Variants in PPARA observed in about 807,000 individuals in gnomAD.
PPARA encodes the protein peroxisome proliferator activated receptor alpha.
Under a neutral mutation model 42.2 loss-of-function variants are expected in PPARA, and 22 were observed. That is an observed-to-expected ratio of 0.52 (90% CI 0.37 to 0.74). The LOEUF (loss-of-function observed/expected upper bound fraction) is 0.74, where lower values mean the gene tolerates loss of function less well. PPARA is among the 30% of genes least tolerant of loss of function. PPARA has a pLI of 0.00. For missense variants in PPARA, 465 were observed against 608.2 expected, an observed-to-expected ratio of 0.76 and a Z score of 2.48; for synonymous variants, 242 against 239.3, an observed-to-expected ratio of 1.01 and a Z score of -0.10.
intron 1 of PPARA, 70 bp from the exon 2 acceptor site, chr22:46,151,818 C>T (rs1004553757): frequency 1.3e-5 from 2 of 152,228 alleles, no homozygotes; most frequent in African/African-American, 4.8e-5. Flanking sequence ...TTTCCTCTTC[C>T]AAGGTGAAGA....
At chr22:46,223,348 G>T (rs1601799439) in intron 7 of PPARA, among the ~76,000 whole-genome samples, 1 of 151,994 alleles carries the variant, frequency 6.6e-6, no homozygotes, top group Admixed American at 6.6e-5. Flanking sequence ...TGGCCTTAAA[G>T]AAATAAATAA....
rs1248498487 is a variant in PPARA at position 46,233,216 on chromosome 22, A to G, written c.1159+977A>G. Among the ~76,000 whole-genome samples the G allele has an allele frequency of 6.6e-6, 1 of 152,188 alleles. No homozygotes were observed. The highest frequency in any genetic ancestry group is 2.4e-5 in the African/African-American group (1 of 41,444). ...AAGTATATTTCCTAATGCAAAATAT[A>G]ATATCAGTCAGCAGCCAAGTGGCAG... On this transcript the variant is annotated intron_variant, in intron 8 of 8. Coordinates refer to ENST00000407236, the MANE Select transcript of PPARA (RefSeq NM_005036.6). This position sits in a 1 kb window ranked among gnomAD's most constrained non-coding sequence, Gnocchi z 7.3.
intron 2 of PPARA, among the ~76,000 whole-genome samples, chr22:46,172,321 A>T (rs999837705): frequency 4.5e-5 from 3 of 66,310 alleles, no homozygotes; most frequent in East Asian, 4.6e-4. Context: ...AAGTAATTAA[A>T]AAAAAAAAAA....
chr22:46,189,763 T>C (rs1243919478), intron 3 of PPARA, among the ~76,000 whole-genome samples: 1 of 151,870 alleles, frequency 6.6e-6, no homozygotes, highest in Non-Finnish European at 1.5e-5. Flanking sequence ...TGGAGTGCAG[T>C]GGCGCAGTCT....
rs889866673 is a variant in PPARA at position 46,241,842 on chromosome 22, T to A, written c.*6462T>A. On this transcript the variant is annotated 3_prime_UTR_variant, in exon 9 of 9. Coordinates refer to ENST00000407236, the MANE Select transcript of PPARA (RefSeq NM_005036.6). This position sits in a 1 kb window ranked among gnomAD's most constrained non-coding sequence, Gnocchi z 5.7. ...GACCAGATGGTGTCCATGTTCAATA[T>A]CATGTCTTGATGGACGCAGCTGATG... 6 of 150,014 alleles carry A rather than the reference T, an allele frequency of 4.0e-5. No individual in the cohort carries two copies. The highest frequency in any genetic ancestry group is 1.5e-4 in the African/African-American group (6 of 40,426). The allele number at this position is 150,014 out of a possible 1,614,324, so 9.3% of individuals were successfully genotyped here. A position where few individuals can be genotyped will look rare whatever the true frequency, so the allele number is the denominator to read the frequency against.
chr22:46,177,070 GCA>G (rs1480471597), intron 3 of PPARA, among the ~76,000 whole-genome samples: 2 of 152,116 alleles, frequency 1.3e-5, no homozygotes, highest in Non-Finnish European at 2.9e-5. Context: ...AATTAGCCGG[GCA>G]TGGTGGCAGG....
At position 46,184,985 on chromosome 22, in the gene PPARA, T is replaced by A. The variant is rs919362307; in HGVS notation, c.-43+8149T>A. On this transcript the variant is annotated intron_variant, in intron 3 of 8. Transcript: ENST00000407236. The surrounding 1 kb of genome is among the most constrained non-coding windows in gnomAD (Gnocchi z 4.4). ...CCCAGTGAGTGACCATCTGTGTGTG[T>A]GTATTCATCCATTCCATGGAGTCCC... 6.6e-5 allele frequency among the ~76,000 whole-genome samples: 10 copies of A among 152,248 alleles called. No homozygotes were observed. Among genetic ancestry groups the A allele is most frequent in the Non-Finnish European group, 1.5e-4 (10 of 68,048 alleles).
In PPARA at chr22:46,241,726, G is replaced by A. The variant is rs1308278020; in HGVS notation, c.*6346G>A. Reference sequence around the variant, plus strand: ...TTTCTCCCCCCAGAGAAACCCTTTTGTGAGGGGAGAGGAGCTATGGTATGT... The same window carrying A: ...TTTCTCCCCCCAGAGAAACCCTTTTATGAGGGGAGAGGAGCTATGGTATGT... On this transcript the variant is annotated 3_prime_UTR_variant, in exon 9 of 9. Coordinates refer to ENST00000407236, the MANE Select transcript of PPARA (RefSeq NM_005036.6). This position sits in a 1 kb window ranked among gnomAD's most constrained non-coding sequence, Gnocchi z 5.7. 1 of 152,158 alleles carries A rather than the reference G, an allele frequency of 6.6e-6. No homozygotes were observed. Among genetic ancestry groups the A allele is most frequent in the Non-Finnish European group, 1.5e-5 (1 of 68,034 alleles). The allele number at this position is 152,158 out of a possible 1,614,324, so 9.4% of individuals were successfully genotyped here.
rs1234894906 is a variant in PPARA, at chr22:46,187,987, C to G, written c.-42-10355C>G. On this transcript the variant is annotated intron_variant, in intron 3 of 8. Coordinates refer to ENST00000407236, the MANE Select transcript of PPARA (RefSeq NM_005036.6). This position sits in a 1 kb window ranked among gnomAD's most constrained non-coding sequence, Gnocchi z 4.9. ...TGGAATGCTGCCACCATCTGAGAAG[C>G]CTGAGGTGGCCTCTGTGAGGATGAA... Among the ~76,000 whole-genome samples the G allele has an allele frequency of 2.0e-5, 3 of 152,202 alleles. No individual in the cohort carries two copies. The highest frequency in any genetic ancestry group is 7.2e-5 in the African/African-American group (3 of 41,462).
At chr22:46,229,074 T>C (rs1383401171) in intron 7 of PPARA, among the ~76,000 whole-genome samples, 1 of 149,822 alleles carries the variant, frequency 6.7e-6, no homozygotes, top group Non-Finnish European at 1.5e-5. Context: ...GCCACTGCAC[T>C]CCAGCCTGGG....
chr22:46,172,004 C>A (rs921132756), intron 2 of PPARA, among the ~76,000 whole-genome samples: 1 of 152,128 alleles, frequency 6.6e-6, no homozygotes, highest in Admixed American at 6.5e-5. Context: ...AAAGGCTCCA[C>A]CGCGTTGGGT....
chr22:46,232,283 C>T lies in PPARA; in HGVS notation c.1159+44C>T. The T allele has an allele frequency of 6.3e-7, 1 of 1,597,404 alleles. No homozygotes were observed. The highest frequency in any genetic ancestry group is 1.1e-5 in the South Asian group (1 of 90,722). ...CTGCTGGTATCATGTCACTGACAGG[C>T]TCCTGTCTTGAAAAATTTGACAATG... is the stretch of plus-strand genomic sequence containing the variant. On this transcript the variant is annotated intron_variant, in intron 8 of 8. Coordinates refer to ENST00000407236, the MANE Select transcript of PPARA (RefSeq NM_005036.6). This position sits in a 1 kb window ranked among gnomAD's most constrained non-coding sequence, Gnocchi z 5.3.
In PPARA at chr22:46,150,704, G is replaced by A. The variant is rs532811456; in HGVS notation, c.-210+52G>A. ...GCGGGAACGCGCGCGGGGGTCCGCG[G>A]TCCGGGCTTCCCAGGTCCCGGGACC... On this transcript the variant is annotated intron_variant, in intron 1 of 8. Transcript: ENST00000407236. This position sits in a 1 kb window ranked among gnomAD's most constrained non-coding sequence, Gnocchi z 7.5. 6.7e-6 allele frequency: 1 copy of A among 148,498 alleles called. No individual in the cohort carries two copies. The highest frequency in any genetic ancestry group is 6.7e-5 in the Admixed American group (1 of 14,966). 9.2% of individuals were successfully genotyped at this position (148,498 alleles called of 1,614,324 possible).
chr22:46,199,481 A>T (rs187821610), intron 4 of PPARA, among the ~76,000 whole-genome samples: 407 of 152,126 alleles, frequency 2.7e-3, no homozygotes, highest in African/African-American at 9.4e-3. Context: ...AAAAAAATTT[A>T]AAATTAAAAA....
Position 46,204,797 on chromosome 22 carries a change from T to C in PPARA, c.208+6206T>C, listed in dbSNP as rs1933063064. Among the ~76,000 whole-genome samples, 1 of 151,942 alleles carries C rather than the reference T, an allele frequency of 6.6e-6. No homozygotes were observed. Among genetic ancestry groups the C allele is most frequent in the South Asian group, 2.1e-4 (1 of 4,828 alleles). ...TGTGATCTACAAATATTTTCCCCAG[T>C]GTGTGGTTTGTCTTTCTTTTCTTTC... On this transcript the variant is annotated intron_variant, in intron 4 of 8. Coordinates refer to ENST00000407236, the MANE Select transcript of PPARA (RefSeq NM_005036.6). This position sits in a 1 kb window ranked among gnomAD's most constrained non-coding sequence, Gnocchi z 5.2.
rs1289211078 is a variant in PPARA at position 46,182,848 on chromosome 22, G to A, written c.-43+6012G>A. Among the ~76,000 whole-genome samples, 2 of 152,104 alleles carry A rather than the reference G, an allele frequency of 1.3e-5. No homozygotes were observed. The highest frequency in any genetic ancestry group is 2.1e-4 in the South Asian group (1 of 4,826). On this transcript the variant is annotated intron_variant, in intron 3 of 8. Transcript: ENST00000407236. This position sits in a 1 kb window ranked among gnomAD's most constrained non-coding sequence, Gnocchi z 5.2. ...TAACCTCCGCCTCCCGGGTTCAAGC[G>A]ATTCTCATGCCTCAGCCTCCCAAGT...
rs1936146692 is a variant in PPARA at position 46,235,296 on chromosome 22, G to A, written c.1323G>A (p.Ala441=). ...ADLRQLVTEH[A]QLVQIIKKTE... is the part of the protein sequence containing the mutation. ...TCCGGCAGCTGGTGACGGAGCATGC[G>A]CAGCTGGTGCAGATCATCAAGAAGA... Residue 441 remains alanine (A), a synonymous_variant, in exon 9 of 9, where the codon GCG becomes GCA. Coordinates refer to ENST00000407236, the MANE Select transcript of PPARA (RefSeq NM_005036.6). This position sits in a 1 kb window ranked among gnomAD's most constrained non-coding sequence, Gnocchi z 7.0. 3.7e-6 allele frequency: 6 copies of A among 1,613,916 alleles called. No individual in the cohort carries two copies. Among genetic ancestry groups the A allele is most frequent in the African/African-American group, 1.3e-5 (1 of 74,924 alleles).
At chr22:46,168,351 CAAAAAAAAAA>C (rs35345592) in intron 2 of PPARA, among the ~76,000 whole-genome samples, 689 of 14,364 alleles carry the variant, frequency 0.048, 10 homozygotes, top group South Asian at 0.26. Context: ...GACTCCATCT[CAAAAAAAAAA>C]AAAAAAAAAA....
In PPARA at chr22:46,191,485, GT is replaced by G. The variant is rs56838159; in HGVS notation, c.-42-6841del. ...GTTCCTCCCTATTGTGTTCAGTATG[GT>G]TTTTTTTTTTTTTTTCCTTTTGCTG... is the stretch of plus-strand genomic sequence containing the variant. On this transcript the variant is annotated intron_variant, in intron 3 of 8. Transcript: ENST00000407236. The surrounding 1 kb of genome is among the most constrained non-coding windows in gnomAD (Gnocchi z 4.6). Among the ~76,000 whole-genome samples the G allele has an allele frequency of 0.048, 6,553 of 137,312 alleles. 176 individuals are homozygous for G. Among genetic ancestry groups the G allele is most frequent in the African/African-American group, 0.089 (3,391 of 38,046 alleles). The allele number at this position is 137,312 out of a possible 152,430, so 90.1% of individuals were successfully genotyped here.
Sources: gnomAD v4.1 joint callset for allele counts (sites outside exome capture counted in the v4.1 genomes callset) on GRCh38, gnomAD v4.1.1 for gene constraint, Gnocchi (gnomAD v3.1) non-coding constraint, MANE v1.5 for transcripts, NCBI Gene and HGNC (gene_info 2026-07-23, HGNC 2026-07-21) for gene names.